Variants in CHD6 observed in about 807,000 individuals in gnomAD.
CHD6 encodes ATP-dependent chromatin remodeler CHD6.
A neutral mutation model predicts 276.9 loss-of-function variants in CHD6; 50 were observed. The ratio of observed to expected loss-of-function variants is 0.18; its 90% CI spans 0.14 to 0.23. The LOEUF (loss-of-function observed/expected upper bound fraction) is 0.23, where lower values mean the gene tolerates loss of function less well. Among genes scored for constraint, CHD6 ranks in the 10% least tolerant of loss-of-function variants. The probability of loss-of-function intolerance (pLI) is 1.00; values close to 1 mark genes in which losing one functional copy is unlikely to be tolerated. For synonymous variants in CHD6, 1,173 were observed against 1,229.3 expected, an observed-to-expected ratio of 0.95 and a Z score of 0.96; for missense variants, 2,564 against 3,365.8, an observed-to-expected ratio of 0.76 and a Z score of 5.89.
intron 2 of CHD6, among the ~76,000 whole-genome samples, chr20:41,533,780 A>G (rs2044752359): frequency 6.6e-6 from 1 of 152,210 alleles, no homozygotes; most frequent in Non-Finnish European, 1.5e-5. Flanking sequence ...ACGTGTTGTT[A>G]GCATACTAAA....
chr20:41,515,652 A>G lies in CHD6; in HGVS notation c.555-700T>C, dbSNP rs143933100. On this transcript the variant is annotated intron_variant, in intron 3 of 36. Transcript: ENST00000373233. Reference sequence around the variant, plus strand: ...TACTTTGCTTAAACGACCTTTCACCAGAATTAGTTGTTAACTACAATATGA... The same window carrying G: ...TACTTTGCTTAAACGACCTTTCACCGGAATTAGTTGTTAACTACAATATGA... 2.6e-5 allele frequency among the ~76,000 whole-genome samples: 4 copies of G among 152,354 alleles called. No individual in the cohort carries two copies. The East Asian group carries it at 7.7e-4, about 29-fold the overall frequency.
intron 29 of CHD6, 49 bp from the exon 30 acceptor site, chr20:41,423,749 A>G (rs2047272416): frequency 6.7e-6 from 10 of 1,496,994 alleles, no homozygotes; most frequent in Non-Finnish European, 9.3e-6. Context: ...TCTTTTTTTA[A>G]AGCCAATAAC....
intron 1 of CHD6, among the ~76,000 whole-genome samples, chr20:41,594,706 C>G (rs2045699591): frequency 6.6e-6 from 1 of 152,218 alleles, no homozygotes; most frequent in African/African-American, 2.4e-5. Context: ...ACTAGCAAAT[C>G]TCTGACTCTG....
chr20:41,407,754 T>C (rs1423435401), intron 36 of CHD6, among the ~76,000 whole-genome samples: 2 of 152,164 alleles, frequency 1.3e-5, no homozygotes, highest in East Asian at 3.9e-4. Context: ...TAGTGGGCAC[T>C]CAGCAGCGAG....
At chr20:41,500,671 G>A (rs1358341217) in intron 5 of CHD6, among the ~76,000 whole-genome samples, 1 of 152,078 alleles carries the variant, frequency 6.6e-6, no homozygotes, top group Non-Finnish European at 1.5e-5. Context: ...TAGGTGGCAG[G>A]GAGAAGGTGG....
intron 11 of CHD6, 97 bp from the exon 12 acceptor site, chr20:41,490,118 T>G (rs1048110652): frequency 7.1e-6 from 7 of 982,912 alleles, no homozygotes; most frequent in Non-Finnish European, 1.1e-5. Context: ...ACCTGTAAGA[T>G]TATCATTGAA....
chr20:41,459,094 G>A (rs1195723730), intron 17 of CHD6, among the ~76,000 whole-genome samples: 1 of 152,144 alleles, frequency 6.6e-6, no homozygotes, highest in Non-Finnish European at 1.5e-5. Context: ...CCAGAGAAAG[G>A]GGTAAGTCTA....
intron 1 of CHD6, among the ~76,000 whole-genome samples, chr20:41,572,287 C>T (rs2045426216): frequency 6.6e-6 from 1 of 152,190 alleles, no homozygotes; most frequent in Non-Finnish European, 1.5e-5. Flanking sequence ...CTTGCTCTTG[C>T]TCCAAGGTCT....
At chr20:41,495,114 A>G (rs986016623) in intron 8 of CHD6, among the ~76,000 whole-genome samples, 6 of 152,132 alleles carry the variant, frequency 3.9e-5, no homozygotes, top group African/African-American at 7.2e-5. Context: ...CGAAAAGCTA[A>G]TACTTATGGA....
intron 11 of CHD6, 109 bp from the exon 12 acceptor site, chr20:41,490,130 G>T: frequency 2.2e-6 from 2 of 904,908 alleles, no homozygotes; most frequent in Non-Finnish European, 3.4e-6. Flanking sequence ...ATCATTGAAG[G>T]CTTTATCATC....
intron 2 of CHD6, among the ~76,000 whole-genome samples, chr20:41,549,782 T>C (rs1164540418): frequency 6.6e-6 from 1 of 152,160 alleles, no homozygotes; most frequent in African/African-American, 2.4e-5. Context: ...GACAATAGTT[T>C]TGAGGGTCTG....
intron 14 of CHD6, chr20:41,485,635 T>TA (rs1302449016): frequency 6.6e-6 from 1 of 151,150 alleles, no homozygotes; most frequent in Non-Finnish European, 1.5e-5. Context: ...TACTGTGTTT[T>TA]AAAATACAGA....
At chr20:41,454,526 C>T in intron 20 of CHD6, 100 bp downstream of exon 20, 1 of 877,636 alleles carries the variant, frequency 1.1e-6, no homozygotes, top group South Asian at 1.7e-5. Context: ...ATTTAAGAAC[C>T]AAGACTCAAG....
At chr20:41,457,973 T>C (rs1234682960) in intron 17 of CHD6, among the ~76,000 whole-genome samples, 1 of 152,216 alleles carries the variant, frequency 6.6e-6, no homozygotes, top group East Asian at 1.9e-4. Flanking sequence ...TCAATACACA[T>C]TTCTAAAGAT....
intron 1 of CHD6, among the ~76,000 whole-genome samples, chr20:41,578,506 C>A (rs766889456): frequency 2.0e-5 from 3 of 151,904 alleles, no homozygotes; most frequent in Non-Finnish European, 4.4e-5. Context: ...GTAACAATCA[C>A]CAAGGAATGT....
rs147657931 is a variant in CHD6 at position 41,402,472 on chromosome 20, A to G, written c.*2121T>C. On this transcript the variant is annotated 3_prime_UTR_variant, in exon 37 of 37. Coordinates refer to ENST00000373233, the MANE Select transcript of CHD6 (RefSeq NM_032221.5). The stretch of plus-strand genomic sequence containing the variant: ...TGAACCCTGTGACCTACCGGAGGTT[A>G]TAAGTGGAACCCGGGGAAAGCAGCT... 582 of 231,214 alleles carry G rather than the reference A, an allele frequency of 2.5e-3. 10 individuals are homozygous for G. In the East Asian group the frequency reaches 0.034, roughly 13 times the overall value. The allele number at this position is 231,214 out of a possible 1,614,324, so 14.3% of individuals were successfully genotyped here.
chr20:41,454,080 T>C (rs1252076677), intron 20 of CHD6, among the ~76,000 whole-genome samples: 1 of 152,200 alleles, frequency 6.6e-6, no homozygotes, highest in African/African-American at 2.4e-5. Flanking sequence ...TGTTACCTTG[T>C]AACCCCACAG....
chr20:41,480,777 T>C (rs964031194), intron 16 of CHD6, among the ~76,000 whole-genome samples: 36 of 152,108 alleles, frequency 2.4e-4, no homozygotes, highest in Non-Finnish European at 5.3e-4. Flanking sequence ...TGGGGGAAGG[T>C]AGAGAGTGAA....
At chr20:41,429,520 G>T (rs2047468352) in intron 27 of CHD6, among the ~76,000 whole-genome samples, 1 of 152,154 alleles carries the variant, frequency 6.6e-6, no homozygotes, top group Non-Finnish European at 1.5e-5. Flanking sequence ...TCTGGAAGGC[G>T]CTGGAATAGC....
Sources: allele counts gnomAD v4.1 joint callset (sites outside exome capture counted in the v4.1 genomes callset), GRCh38; gene constraint gnomAD v4.1.1; transcripts MANE v1.5; gene names NCBI Gene and HGNC (gene_info 2026-07-23, HGNC 2026-07-21).